ATRN: variants seen among roughly 807,000 people sequenced by gnomAD.
The protein encoded by ATRN is attractin-2.
In ATRN, 54 loss-of-function variants were observed where a neutral mutation model predicts 178.7. The ratio of observed to expected loss-of-function variants is 0.30; its 90% CI spans 0.24 to 0.38. ATRN has a LOEUF of 0.38. Among genes scored for constraint, ATRN ranks in the 10% least tolerant of loss-of-function variants. The pLI is 1.00. For synonymous variants in ATRN, 636 were observed against 663.0 expected (o/e 0.96, Z 0.63); for missense variants, 1,443 against 1,815.1 (o/e 0.79, Z 3.73).
In ATRN at chr20:3,471,473, C is replaced by T. The variant is rs754329774; in HGVS notation, c.366C>T (p.Ala122=). 16 of 1,412,536 alleles carry T rather than the reference C, an allele frequency of 1.1e-5. No individual in the cohort carries two copies. Among genetic ancestry groups the T allele is most frequent in the Admixed American group, 3.5e-5 (1 of 28,798 alleles). The allele number at this position is 1,412,536 out of a possible 1,614,324, so 87.5% of individuals were successfully genotyped here. A position where few individuals can be genotyped will look rare whatever the true frequency, so the allele number is the denominator to read the frequency against. Reference sequence around the variant, plus strand: ...GCACCGGCCAGTGCGTCTGCCCCGCCGGCTGGGTGGGCGAGCAATGCCAGC... The same window carrying T: ...GCACCGGCCAGTGCGTCTGCCCCGCTGGCTGGGTGGGCGAGCAATGCCAGC... ...NPGTGQCVCP[A]GWVGEQCQHC... Residue 122 remains alanine (A), a synonymous_variant, in exon 1 of 29, where the codon GCC becomes GCT. Coordinates refer to ENST00000262919, the MANE Select transcript of ATRN (RefSeq NM_139321.3).
intron 1 of ATRN, among the ~76,000 whole-genome samples, chr20:3,516,078 G>C (rs151568): frequency 0.27 from 40,642 of 152,080 alleles, 5,983 homozygotes; most frequent in African/African-American, 0.33. Flanking sequence ...AGTTTACATT[G>C]CACTGGAAGA....
chr20:3,499,563 G>C (rs2084927560), intron 1 of ATRN, among the ~76,000 whole-genome samples: 1 of 151,608 alleles, frequency 6.6e-6, no homozygotes, highest in African/African-American at 2.4e-5. Flanking sequence ...TGACAAACCT[G>C]AGAAAAACAA....
chr20:3,537,918 AT>A (rs1411972816), intron 2 of ATRN, among the ~76,000 whole-genome samples: 6 of 145,850 alleles, frequency 4.1e-5, no homozygotes, highest in African/African-American at 1.3e-4. Flanking sequence ...ATTTTATTTT[AT>A]TTTTTTATTA....
chr20:3,498,047 C>G (rs2146101976), intron 1 of ATRN, among the ~76,000 whole-genome samples: 1 of 152,232 alleles, frequency 6.6e-6, no homozygotes, highest in East Asian at 1.9e-4. Flanking sequence ...GAGAATACTA[C>G]AAACACCTCT....
chr20:3,567,380 A>T (rs772629159), intron 11 of ATRN, among the ~76,000 whole-genome samples: 36 of 152,344 alleles, frequency 2.4e-4, no homozygotes, highest in Admixed American at 8.5e-4. Flanking sequence ...TTTTTTATAA[A>T]ACATTCTTAG....
chr20:3,575,984 C>G (rs749800843), intron 13 of ATRN, 36 bp downstream of exon 13: 1 of 1,606,248 alleles, frequency 6.2e-7, no homozygotes, highest in Non-Finnish European at 8.5e-7. Flanking sequence ...CAGAAAAATC[C>G]CAATTTGTCA....
rs1555819445 is a variant in ATRN at position 3,576,695 on chromosome 20, G to GTCTATCTATCTATCTATCTA, written c.2215-144_2215-125dup. 4.9e-3 allele frequency among the ~76,000 whole-genome samples: 703 copies of GTCTATCTATCTATCTATCTA among 142,380 alleles called. 3 individuals carry two copies. Among genetic ancestry groups the GTCTATCTATCTATCTATCTA allele is most frequent in the Non-Finnish European group, 6.8e-3 (449 of 65,632 alleles). The allele number at this position is 142,380 out of a possible 152,430, so 93.4% of individuals were successfully genotyped here. On this transcript the variant is annotated intron_variant, in intron 13 of 28. Coordinates refer to ENST00000262919, the MANE Select transcript of ATRN (RefSeq NM_139321.3). ...TATCTATCTATCTGTCTGTCTGTCT[G>GTCTATCTATCTATCTATCTA]TCTATCTATCTATCTATCTATCTAT...
chr20:3,545,824 G>C lies in ATRN; in HGVS notation c.671G>C (p.Gly224Ala). The C allele has an allele frequency of 6.2e-7, 1 of 1,614,088 alleles. No individual in the cohort carries two copies. Among genetic ancestry groups the C allele is most frequent in the Non-Finnish European group, 8.5e-7 (1 of 1,179,956 alleles). ...GTCCCTGAGGTTGTTGCCACATCAGGTTATGCCTTGCTGCATTTTTTTAGT... is the reference window on the plus strand; with the variant it reads ...GTCCCTGAGGTTGTTGCCACATCAGCTTATGCCTTGCTGCATTTTTTTAGT... ...ETVPEVVATS[G>A]YALLHFFSDA... The change falls in exon 4 of 29, where the codon GGT (glycine) becomes GCT (alanine). Residue 224 changes from glycine (G) to alanine (A), a missense_variant. Coordinates refer to ENST00000262919, the MANE Select transcript of ATRN (RefSeq NM_139321.3).
rs1187602634 is a variant in ATRN, at chr20:3,650,970, ATTGTAAAATAACAGCTAAT to A, written c.*4126_*4144del. On this transcript the variant is annotated 3_prime_UTR_variant, in exon 29 of 29. Coordinates refer to ENST00000262919, the MANE Select transcript of ATRN (RefSeq NM_139321.3). ...ACTGCAATTTTTTGGTATTTTTTGT[ATTGTAAAATAACAGCTAAT>A]TTAAGCAGGAACAAGAGAACTAAGG... is the stretch of plus-strand genomic sequence containing the variant. 3 of 152,628 alleles carry A rather than the reference ATTGTAAAATAACAGCTAAT, an allele frequency of 2.0e-5. No homozygotes were observed. 9.5% of individuals were successfully genotyped at this position (152,628 alleles called of 1,614,324 possible).
At chr20:3,509,679 T>C (rs1170594350) in intron 1 of ATRN, among the ~76,000 whole-genome samples, 1 of 152,008 alleles carries the variant, frequency 6.6e-6, no homozygotes, top group Non-Finnish European at 1.5e-5. Context: ...AATTTTTGTA[T>C]TTTTAGTAGA....
At chr20:3,554,247 A>G (rs1250166867) in intron 6 of ATRN, among the ~76,000 whole-genome samples, 1 of 152,012 alleles carries the variant, frequency 6.6e-6, no homozygotes, top group Non-Finnish European at 1.5e-5. Flanking sequence ...AACTTTCATG[A>G]AAAGTTAATT....
intron 28 of ATRN, among the ~76,000 whole-genome samples, chr20:3,646,154 G>A (rs2087106419): frequency 6.6e-6 from 1 of 152,110 alleles, no homozygotes. Flanking sequence ...TGAGGTGCAG[G>A]GAGGTTAAAG....
At chr20:3,537,422 G>A (rs530293632) in intron 2 of ATRN, among the ~76,000 whole-genome samples, 1 of 151,868 alleles carries the variant, frequency 6.6e-6, no homozygotes, top group East Asian at 1.9e-4. Flanking sequence ...AGTTGCAAAA[G>A]TGGTTTTCAT....
intron 1 of ATRN, among the ~76,000 whole-genome samples, chr20:3,472,446 G>A (rs535467259): frequency 6.6e-6 from 1 of 152,274 alleles, no homozygotes; most frequent in African/African-American, 2.4e-5. Flanking sequence ...GTGGGGGAGT[G>A]GGGAAATGTG....
At chr20:3,555,157 T>G (rs1324636440) in intron 6 of ATRN, among the ~76,000 whole-genome samples, 4 of 151,674 alleles carry the variant, frequency 2.6e-5, no homozygotes, top group Admixed American at 2.6e-4. Flanking sequence ...GCCCGCCACC[T>G]CGCCCGGCTA....
chr20:3,620,867 A>G (rs894511948), intron 24 of ATRN, among the ~76,000 whole-genome samples: 2 of 152,210 alleles, frequency 1.3e-5, no homozygotes, highest in African/African-American at 4.8e-5. Flanking sequence ...CAGCCATGGT[A>G]TATGGTAGAC....
intron 9 of ATRN, 89 bp downstream of exon 9, chr20:3,562,548 A>G: frequency 1.5e-6 from 2 of 1,342,716 alleles, no homozygotes; most frequent in Non-Finnish European, 2.1e-6. Context: ...TTTTGTTTTC[A>G]TGCCTGGCAG....
chr20:3,576,252 G>A lies in ATRN; in HGVS notation c.2214+304G>A, dbSNP rs237629. Among the ~76,000 whole-genome samples the A allele has an allele frequency of 3.7e-3, 567 of 152,272 alleles. 2 individuals carry two copies. Among genetic ancestry groups the A allele is most frequent in the Middle Eastern group, 0.014 (4 of 294 alleles). On this transcript the variant is annotated intron_variant, in intron 13 of 28. Transcript: ENST00000262919. Reference sequence around the variant, plus strand: ...CTGATAGTGACCTCACTTTACCAGTGCCAGGTTTTGATAAAGTTAGGGTTT... The same window carrying A: ...CTGATAGTGACCTCACTTTACCAGTACCAGGTTTTGATAAAGTTAGGGTTT...
chr20:3,583,857 T>G, intron 16 of ATRN, 41 bp from the exon 17 acceptor site: 1 of 1,560,538 alleles, frequency 6.4e-7, no homozygotes, highest in Non-Finnish European at 8.8e-7. Flanking sequence ...TTAGCGGACA[T>G]GGTGGGAGCT....
Sources: gnomAD v4.1 joint callset for allele counts (sites outside exome capture counted in the v4.1 genomes callset) on GRCh38, gnomAD v4.1.1 for gene constraint, MANE v1.5 for transcripts, NCBI Gene and HGNC (gene_info 2026-07-23, HGNC 2026-07-21) for gene names.